ANTXR2: variants seen among roughly 807,000 people sequenced by gnomAD.
The protein encoded by ANTXR2 is anthrax toxin receptor 2.
A neutral mutation model predicts 73.7 loss-of-function variants in ANTXR2; 44 were observed. That is an observed-to-expected ratio of 0.60 (90% CI 0.47 to 0.77). The LOEUF is 0.77. Among genes scored for constraint, ANTXR2 ranks in the 30% least tolerant of loss-of-function variants. The pLI is 0.00. For synonymous variants in ANTXR2, 217 were observed against 205.9 expected, an observed-to-expected ratio of 1.05 and a Z score of -0.46; for missense variants, 604 against 592.5, an observed-to-expected ratio of 1.02 and a Z score of -0.20.
At chr4:79,990,763 A>G (rs897386848) in intron 12 of ANTXR2, among the ~76,000 whole-genome samples, 1 of 151,766 alleles carries the variant, frequency 6.6e-6, no homozygotes, top group Non-Finnish European at 1.5e-5. Flanking sequence ...CCAAAGCAGC[A>G]TGGTACTGCT....
Position 80,072,657 on chromosome 4 carries a change from G to A in ANTXR2, c.-97C>T. On this transcript the variant is annotated 5_prime_UTR_variant, in exon 1 of 17. Transcript: ENST00000403729. Reference sequence around the variant, plus strand: ...GGAGTCACCCGGCACGCACTCTGGGGTGGGGGGCGGCGAGCAGCTGAGACG... The same window carrying A: ...GGAGTCACCCGGCACGCACTCTGGGATGGGGGGCGGCGAGCAGCTGAGACG... 2.2e-6 allele frequency: 3 copies of A among 1,341,862 alleles called. No individual in the cohort carries two copies. The highest frequency in any genetic ancestry group is 2.9e-6 in the Non-Finnish European group (3 of 1,049,930). 83.1% of individuals were successfully genotyped at this position (1,341,862 alleles called of 1,614,324 possible). A position where few individuals can be genotyped will look rare whatever the true frequency, so the allele number is the denominator to read the frequency against.
intron 16 of ANTXR2, among the ~76,000 whole-genome samples, chr4:79,924,116 G>C (rs544769888): frequency 6.6e-6 from 1 of 152,020 alleles, no homozygotes; most frequent in Non-Finnish European, 1.5e-5. Context: ...TAGCCAACAG[G>C]TAGTTTTTCC....
At chr4:80,032,687 C>T (rs1450421320) in intron 9 of ANTXR2, among the ~76,000 whole-genome samples, 1 of 151,698 alleles carries the variant, frequency 6.6e-6, no homozygotes, top group Non-Finnish European at 1.5e-5. Context: ...GTTATAAAAT[C>T]TGCTTTACAA....
At chr4:79,953,875 G>C (rs1401983645) in intron 16 of ANTXR2, among the ~76,000 whole-genome samples, 5 of 151,886 alleles carry the variant, frequency 3.3e-5, no homozygotes, top group Admixed American at 2.6e-4. Flanking sequence ...ATATTCACTA[G>C]TGATTCCTAT....
At chr4:80,008,653 A>C in intron 11 of ANTXR2, 37 bp from the exon 12 acceptor site, 7 of 1,392,270 alleles carry the variant, frequency 5.0e-6, no homozygotes, top group Non-Finnish European at 6.9e-6. Flanking sequence ...AGCAGTCAGC[A>C]CAGCTTATGG....
At chr4:79,985,344 T>C (rs2110021790) in intron 12 of ANTXR2, among the ~76,000 whole-genome samples, 1 of 148,090 alleles carries the variant, frequency 6.8e-6, no homozygotes, top group Middle Eastern at 3.5e-3. Context: ...AGAGAGACTC[T>C]GTCTCAAAAA....
intron 12 of ANTXR2, among the ~76,000 whole-genome samples, chr4:79,989,406 T>C (rs1292142377): frequency 6.6e-6 from 1 of 151,974 alleles, no homozygotes; most frequent in Non-Finnish European, 1.5e-5. Context: ...GGTAAATTCC[T>C]AAAAACATAC....
intron 12 of ANTXR2, among the ~76,000 whole-genome samples, chr4:80,003,657 G>A (rs555888864): frequency 5.9e-5 from 9 of 151,996 alleles, no homozygotes; most frequent in East Asian, 3.9e-4. Context: ...ATAAGCACAC[G>A]AAAACATGTT....
At chr4:79,931,974 T>G (rs1203360354) in intron 16 of ANTXR2, among the ~76,000 whole-genome samples, 1 of 152,218 alleles carries the variant, frequency 6.6e-6, no homozygotes, top group Non-Finnish European at 1.5e-5. Context: ...ATTTGCCCAT[T>G]AATGTACCAA....
In ANTXR2 at chr4:79,905,504, TAAC is replaced by T. The variant is rs1227936688; in HGVS notation, c.*1922_*1924del. 1 of 152,134 alleles carries T rather than the reference TAAC, an allele frequency of 6.6e-6. No homozygotes were observed. The highest frequency in any genetic ancestry group is 1.5e-5 in the Non-Finnish European group (1 of 68,018). The allele number at this position is 152,134 out of a possible 1,614,324, so 9.4% of individuals were successfully genotyped here. A position where few individuals can be genotyped will look rare whatever the true frequency, so the allele number is the denominator to read the frequency against. On this transcript the variant is annotated 3_prime_UTR_variant, in exon 17 of 17. Transcript: ENST00000403729. ...AGAATTCCATCCCTGAAACTAAGCA[TAAC>T]AACTGCATATTCAACCCAAGAAGGC...
chr4:79,999,424 C>A (rs560219601), intron 12 of ANTXR2, among the ~76,000 whole-genome samples: 55 of 152,048 alleles, frequency 3.6e-4, no homozygotes, highest in African/African-American at 1.3e-3. Context: ...TTCCTGAGGC[C>A]TCCCCAGCTA....
chr4:80,062,051 T>C (rs1314198405), intron 3 of ANTXR2, among the ~76,000 whole-genome samples: 1 of 152,208 alleles, frequency 6.6e-6, no homozygotes, highest in Non-Finnish European at 1.5e-5. Flanking sequence ...TTCTAAAATC[T>C]TGGGAACTAA....
intron 16 of ANTXR2, among the ~76,000 whole-genome samples, chr4:79,916,704 T>C (rs1404209932): frequency 6.6e-6 from 1 of 152,088 alleles, no homozygotes; most frequent in Non-Finnish European, 1.5e-5. Flanking sequence ...GAAAATGGAA[T>C]GCTATAAATA....
chr4:79,976,436 G>A (rs1729639368), intron 16 of ANTXR2, among the ~76,000 whole-genome samples: 1 of 149,346 alleles, frequency 6.7e-6, no homozygotes, highest in Admixed American at 6.6e-5. Flanking sequence ...CACTGACCAG[G>A]GTGCCATGTC....
chr4:79,989,028 C>T (rs1248834089), intron 12 of ANTXR2, among the ~76,000 whole-genome samples: 1 of 151,964 alleles, frequency 6.6e-6, no homozygotes, highest in Non-Finnish European at 1.5e-5. Flanking sequence ...GTGTTAAATG[C>T]CTACATCAAG....
At position 79,963,325 on chromosome 4, in the gene ANTXR2, C is replaced by G. The variant is rs1463914539; in HGVS notation, c.1428+14296G>C. ...TGACGTTATCAGGATTCTCGGGTCC[C>G]TTTTAAATGAACTTGTGCAACCTGT... is the stretch of plus-strand genomic sequence containing the variant. On this transcript the variant is annotated intron_variant, in intron 16 of 16. Coordinates refer to ENST00000403729, the MANE Select transcript of ANTXR2 (RefSeq NM_058172.6). 2.6e-5 allele frequency among the ~76,000 whole-genome samples: 4 copies of G among 152,058 alleles called. No homozygotes were observed. The East Asian group carries it at 7.7e-4, about 29-fold the overall frequency.
chr4:80,007,364 G>C (rs1296177209), intron 12 of ANTXR2, among the ~76,000 whole-genome samples: 1 of 152,012 alleles, frequency 6.6e-6, no homozygotes, highest in Admixed American at 6.6e-5. Flanking sequence ...ATAAATAGTA[G>C]GCATGATTTG....
chr4:79,924,164 T>C (rs1578086467), intron 16 of ANTXR2, among the ~76,000 whole-genome samples: 1 of 152,070 alleles, frequency 6.6e-6, no homozygotes, highest in East Asian at 1.9e-4. Flanking sequence ...TCTTTTGGAG[T>C]CCTCAGTGTC....
At chr4:80,027,125 T>C (rs2110077690) in intron 10 of ANTXR2, among the ~76,000 whole-genome samples, 1 of 152,224 alleles carries the variant, frequency 6.6e-6, no homozygotes, top group South Asian at 2.1e-4. Flanking sequence ...CCATGATTTT[T>C]CCAAAAAATA....
Sources: gnomAD v4.1 joint callset for allele counts (sites outside exome capture counted in the v4.1 genomes callset) on GRCh38, gnomAD v4.1.1 for gene constraint, MANE v1.5 for transcripts, NCBI Gene and HGNC (gene_info 2026-07-23, HGNC 2026-07-21) for gene names.